DYNC1LI2: variants seen among roughly 807,000 people sequenced by gnomAD.
DYNC1LI2 encodes cytoplasmic dynein 1 light intermediate chain 2.
DYNC1LI2 carries 19 observed loss-of-function variants against 57.8 expected under a neutral mutation model. The ratio of observed to expected loss-of-function variants is 0.33; its 90% CI spans 0.23 to 0.48. The LOEUF (loss-of-function observed/expected upper bound fraction) is 0.48, where lower values mean the gene tolerates loss of function less well. DYNC1LI2 is among the 20% of genes least tolerant of loss of function. The pLI is 0.99. For missense variants in DYNC1LI2, 470 were observed against 604.2 expected (o/e 0.78, Z 2.33); for synonymous variants, 256 against 233.4 (o/e 1.10, Z -0.88).
chr16:66,742,096 C>T (rs1202307124), intron 4 of DYNC1LI2, among the ~76,000 whole-genome samples: 2 of 152,178 alleles, frequency 1.3e-5, no homozygotes, highest in African/African-American at 4.8e-5. Flanking sequence ...CAAACCCTCA[C>T]ATCCTCTGAT....
rs755597613 is a variant in DYNC1LI2 at position 66,736,136 on chromosome 16, G to C, written c.638C>G (p.Pro213Arg). The change falls in exon 5 of 13, where the codon CCT becomes CGT. Residue 213 changes from proline to arginine, a missense_variant. Coordinates refer to ENST00000258198, the MANE Select transcript of DYNC1LI2 (RefSeq NM_006141.3). ...ATGAGTCAGCACATTGTCACCCAGAGGCAGGGCAACATTTTCTTCATCGGA... is the reference window on the plus strand; with the variant it reads ...ATGAGTCAGCACATTGTCACCCAGACGCAGGGCAACATTTTCTTCATCGGA... ...SGSDEENVAL[P>R]LGDNVLTHNL... The C allele has an allele frequency of 1.2e-6, 2 of 1,613,988 alleles. No individual in the cohort carries two copies. The highest frequency in any genetic ancestry group is 2.2e-5 in the South Asian group (2 of 91,076).
chr16:66,748,305 A>AT lies in DYNC1LI2; in HGVS notation c.298+891_298+892insA, dbSNP rs1441454828. ...AAAAAAAAAAAAAAAAAAAAAAAAA[A>AT]CTAACATAAAACCAAAAGATTATAA... On this transcript the variant is annotated intron_variant, in intron 3 of 12. Transcript: ENST00000258198. Among the ~76,000 whole-genome samples, 24 of 137,342 alleles carry AT rather than the reference A, an allele frequency of 1.7e-4. 1 individual carries two copies. The highest frequency in any genetic ancestry group is 4.5e-4 in the South Asian group (2 of 4,458). 90.1% of individuals were successfully genotyped at this position (137,342 alleles called of 152,430 possible).
In DYNC1LI2 at chr16:66,729,084, C is replaced by CT; in HGVS notation, c.1056dup (p.Glu353ArgfsTer7). On this transcript the variant is annotated frameshift_variant, in exon 9 of 13. Coordinates refer to ENST00000258198, the MANE Select transcript of DYNC1LI2 (RefSeq NM_006141.3). LOFTEE classifies it high-confidence loss of function. ...ACCTGCTCATCTTCTGCTGCCAACT[C>CT]TTTGTCGTGGACCAGCTGTGAAACA... The CT allele has an allele frequency of 6.2e-7, 1 of 1,614,212 alleles. No individual in the cohort carries two copies. The highest frequency in any genetic ancestry group is 8.5e-7 in the Non-Finnish European group (1 of 1,180,054).
chr16:66,734,930 G>A (rs1270848189), intron 5 of DYNC1LI2, among the ~76,000 whole-genome samples: 1 of 136,678 alleles, frequency 7.3e-6, no homozygotes, highest in Non-Finnish European at 1.5e-5. Context: ...TGGGAAGGCA[G>A]AGGTTGCAGT....
At chr16:66,729,843 G>A (rs1975632) in intron 8 of DYNC1LI2, among the ~76,000 whole-genome samples, 28,454 of 151,604 alleles carry the variant, frequency 0.19, 5,381 homozygotes, top group African/African-American at 0.49. Context: ...GTGCAGTGGC[G>A]CAATCTGGGT....
intron 3 of DYNC1LI2, among the ~76,000 whole-genome samples, chr16:66,746,124 TG>T (rs1489691581): frequency 6.6e-6 from 1 of 151,824 alleles, no homozygotes; most frequent in Admixed American, 6.5e-5. Flanking sequence ...TTGGGTTCTG[TG>T]AATGTCCTCA....
intron 4 of DYNC1LI2, 113 bp from the exon 5 acceptor site, chr16:66,736,357 A>T (rs1036602933): frequency 3.1e-6 from 4 of 1,290,712 alleles, no homozygotes; most frequent in African/African-American, 1.5e-5. Flanking sequence ...GTTGTGTGTG[A>T]CAAACTTCTT....
intron 12 of DYNC1LI2, chr16:66,724,694 C>T (rs973922384): frequency 2.6e-5 from 4 of 152,082 alleles, no homozygotes; most frequent in African/African-American, 7.2e-5. Context: ...GGGTGGCTGC[C>T]ACAGAGGTGT....
At chr16:66,726,556 G>A (rs2017539390) in intron 11 of DYNC1LI2, among the ~76,000 whole-genome samples, 1 of 152,246 alleles carries the variant, frequency 6.6e-6, no homozygotes, top group Admixed American at 6.5e-5. Context: ...CACTTGGGGA[G>A]ACCAAGGGCG....
chr16:66,748,352 G>A (rs1001865433), intron 3 of DYNC1LI2, among the ~76,000 whole-genome samples: 2 of 148,002 alleles, frequency 1.4e-5, no homozygotes, highest in African/African-American at 2.5e-5. Flanking sequence ...CTGAGCAGTT[G>A]TAACCCAAAA....
intron 10 of DYNC1LI2, 40 bp downstream of exon 10, chr16:66,728,161 A>G (rs750277538): frequency 1.2e-6 from 2 of 1,613,378 alleles, no homozygotes; most frequent in Non-Finnish European, 1.7e-6. Flanking sequence ...GACACCCACA[A>G]CACTGGGCCT....
chr16:66,750,268 A>G (rs1037886062), intron 2 of DYNC1LI2, among the ~76,000 whole-genome samples: 5 of 152,236 alleles, frequency 3.3e-5, no homozygotes. Flanking sequence ...AATTCCTGAG[A>G]AAGGTCACAC....
At position 66,740,582 on chromosome 16, in the gene DYNC1LI2, C is replaced by T. The variant is rs557829097; in HGVS notation, c.529+1856G>A. The stretch of plus-strand genomic sequence containing the variant: ...GCTGCCCTACGGTGTCCTCTCTCCT[C>T]TTCCTCCTTATAACCAAACTGAACT... On this transcript the variant is annotated intron_variant, in intron 4 of 12. Coordinates refer to ENST00000258198, the MANE Select transcript of DYNC1LI2 (RefSeq NM_006141.3). 6.6e-5 allele frequency among the ~76,000 whole-genome samples: 10 copies of T among 152,292 alleles called. No individual in the cohort carries two copies. In the South Asian group the frequency reaches 2.1e-3, roughly 32 times the overall value.
intron 5 of DYNC1LI2, among the ~76,000 whole-genome samples, chr16:66,735,614 C>G (rs2017720196): frequency 6.6e-6 from 1 of 152,084 alleles, no homozygotes; most frequent in African/African-American, 2.4e-5. Flanking sequence ...TAATGCCATT[C>G]TCCTACCTCA....
chr16:66,729,143 T>G (rs2017589056), intron 8 of DYNC1LI2, 44 bp from the exon 9 acceptor site: 2 of 1,606,824 alleles, frequency 1.2e-6, no homozygotes, highest in Non-Finnish European at 1.7e-6. Flanking sequence ...CCAAGAATAC[T>G]CCTAACCACT....
intron 4 of DYNC1LI2, among the ~76,000 whole-genome samples, chr16:66,738,627 A>C (rs2017781211): frequency 1.3e-5 from 2 of 152,152 alleles, no homozygotes; most frequent in South Asian, 4.2e-4. Context: ...CTGTAATCCC[A>C]GAACTGTGGC....
Position 66,742,575 on chromosome 16 carries a change from G to A in DYNC1LI2, c.392C>T (p.Thr131Ile), listed in dbSNP as rs1417088983. 1.2e-6 allele frequency: 2 copies of A among 1,614,070 alleles called. No homozygotes were observed. The highest frequency in any genetic ancestry group is 1.7e-6 in the Non-Finnish European group (2 of 1,180,054). The change falls in exon 4 of 13, where the codon ACC becomes ATC. Residue 131 changes from threonine to isoleucine, a missense_variant. Coordinates refer to ENST00000258198, the MANE Select transcript of DYNC1LI2 (RefSeq NM_006141.3). ...FAVSAESLPE[T>I]LVIFVADMSR... Reference sequence around the variant, plus strand: ...CATGTCTGCAACAAAAATGACGAGGGTCTCTGGCAAGGATTCAGCAGAAAC... The same window carrying A: ...CATGTCTGCAACAAAAATGACGAGGATCTCTGGCAAGGATTCAGCAGAAAC...
chr16:66,738,443 G>C (rs2017777218), intron 4 of DYNC1LI2: 1 of 151,240 alleles, frequency 6.6e-6, no homozygotes. Flanking sequence ...GTAGAGACAG[G>C]GTTTCACCAT....
intron 11 of DYNC1LI2, 64 bp downstream of exon 11, chr16:66,727,624 C>A: frequency 6.5e-7 from 1 of 1,531,788 alleles, no homozygotes; most frequent in South Asian, 1.2e-5. Flanking sequence ...CACCCAGCCC[C>A]TGCAGGGCTC....
Sources: gnomAD v4.1 joint callset for allele counts (sites outside exome capture counted in the v4.1 genomes callset) on GRCh38, gnomAD v4.1.1 for gene constraint, MANE v1.5 for transcripts, NCBI Gene and HGNC (gene_info 2026-07-23, HGNC 2026-07-21) for gene names.